Variants in CSMD3 observed in about 807,000 individuals in gnomAD.
CSMD3 encodes the protein CUB and Sushi multiple domains 3, also known as CUB and sushi domain-containing protein 3.
Under a neutral mutation model 435.2 loss-of-function variants are expected in CSMD3, and 177 were observed. The ratio of observed to expected loss-of-function variants is 0.41; its 90% CI spans 0.36 to 0.46. The LOEUF (loss-of-function observed/expected upper bound fraction) is 0.46. Among genes scored for constraint, CSMD3 ranks in the 20% least tolerant of loss-of-function variants. CSMD3 has a pLI of 0.34. For synonymous variants in CSMD3, 1,656 were observed against 1,520.5 expected, an observed-to-expected ratio of 1.09 and a Z score of -2.07; for missense variants, 4,265 against 4,504.6, an observed-to-expected ratio of 0.95 and a Z score of 1.52.
chr8:113,005,944 T>C (rs1174750604), intron 6 of CSMD3, among the ~76,000 whole-genome samples: 3 of 152,046 alleles, frequency 2.0e-5, no homozygotes, highest in African/African-American at 7.2e-5. Context: ...AAACTGCAGC[T>C]TACTACATGA....
At chr8:112,772,548 C>G (rs2078146016) in intron 13 of CSMD3, among the ~76,000 whole-genome samples, 2 of 152,012 alleles carry the variant, frequency 1.3e-5, no homozygotes, top group Admixed American at 1.3e-4. Context: ...GAAATATGGC[C>G]TCGTGGGAAG....
intron 45 of CSMD3, among the ~76,000 whole-genome samples, chr8:112,330,864 G>T (rs1823980389): frequency 6.6e-6 from 1 of 151,946 alleles, no homozygotes; most frequent in Non-Finnish European, 1.5e-5. Flanking sequence ...AGAATACAAT[G>T]AATTTTAGCT....
At chr8:113,149,491 T>C (rs1051266953) in intron 4 of CSMD3, among the ~76,000 whole-genome samples, 1 of 151,866 alleles carries the variant, frequency 6.6e-6, no homozygotes, top group African/African-American at 2.4e-5. Flanking sequence ...CTTTTTGAGA[T>C]ACAATGCATT....
intron 22 of CSMD3, among the ~76,000 whole-genome samples, chr8:112,597,537 T>C (rs1332773386): frequency 8.2e-6 from 1 of 122,038 alleles, no homozygotes; most frequent in Non-Finnish European, 1.7e-5. Context: ...ATCATTCTGA[T>C]ACCAAAGCCA....
At chr8:112,840,065 C>T (rs760386683) in intron 11 of CSMD3, among the ~76,000 whole-genome samples, 3 of 151,634 alleles carry the variant, frequency 2.0e-5, no homozygotes, top group Non-Finnish European at 3.0e-5. Context: ...CGGTTTACTT[C>T]TATGTCTTCC....
chr8:112,830,760 C>A (rs144207469), intron 11 of CSMD3, among the ~76,000 whole-genome samples: 377 of 145,926 alleles, frequency 2.6e-3, no homozygotes, highest in African/African-American at 8.7e-3. Context: ...GAATTTATAT[C>A]TTGGCTTTTT....
At chr8:112,816,436 C>G (rs1414023429) in intron 12 of CSMD3, among the ~76,000 whole-genome samples, 1 of 152,062 alleles carries the variant, frequency 6.6e-6, no homozygotes, top group Non-Finnish European at 1.5e-5. Context: ...TTCTCCAAGC[C>G]CTTTTCATAC....
chr8:112,453,471 G>A (rs1006300791), intron 32 of CSMD3, among the ~76,000 whole-genome samples: 2 of 151,818 alleles, frequency 1.3e-5, no homozygotes, highest in Non-Finnish European at 2.9e-5. Context: ...CACCAATAAC[G>A]TTCAAGCTGA....
intron 1 of CSMD3, among the ~76,000 whole-genome samples, chr8:113,415,582 T>G (rs1196239820): frequency 6.6e-6 from 1 of 152,208 alleles, no homozygotes; most frequent in African/African-American, 2.4e-5. Context: ...TTCTACAGAT[T>G]ATTAAAAATT....
At chr8:112,559,386 C>T (rs955504512) in intron 24 of CSMD3, among the ~76,000 whole-genome samples, 3 of 151,836 alleles carry the variant, frequency 2.0e-5, no homozygotes, top group African/African-American at 7.2e-5. Context: ...TTTCTCCCAC[C>T]TTCCAGGAGA....
At chr8:113,233,266 A>G (rs1263792862) in intron 3 of CSMD3, among the ~76,000 whole-genome samples, 2 of 151,408 alleles carry the variant, frequency 1.3e-5, no homozygotes, top group East Asian at 3.9e-4. Flanking sequence ...GGGCTTATAT[A>G]TCTCTGATTA....
chr8:113,041,935 T>C (rs1333692355), intron 5 of CSMD3, among the ~76,000 whole-genome samples: 1 of 152,190 alleles, frequency 6.6e-6, no homozygotes, highest in Non-Finnish European at 1.5e-5. Flanking sequence ...GTTTTCTCAG[T>C]ACCATTTGAA....
At chr8:113,338,801 T>C (rs990995639) in intron 1 of CSMD3, among the ~76,000 whole-genome samples, 2 of 151,976 alleles carry the variant, frequency 1.3e-5, no homozygotes, top group African/African-American at 2.4e-5. Context: ...CTAGATCATA[T>C]TGATGCTTGC....
At chr8:112,311,938 A>G (rs1822012832) in intron 49 of CSMD3, among the ~76,000 whole-genome samples, 1 of 152,140 alleles carries the variant, frequency 6.6e-6, no homozygotes, top group Admixed American at 6.6e-5. Flanking sequence ...GTCATTTCTA[A>G]AGGCAAAAAT....
At chr8:113,207,385 C>CTTT (rs72308827) in intron 3 of CSMD3, among the ~76,000 whole-genome samples, 1 of 139,350 alleles carries the variant, frequency 7.2e-6, no homozygotes. Context: ...AATTATTTTT[C>CTTT]TTTTTTTTTT....
At chr8:113,206,354 GT>G (rs2092770954) in intron 3 of CSMD3, among the ~76,000 whole-genome samples, 1 of 151,966 alleles carries the variant, frequency 6.6e-6, no homozygotes, top group East Asian at 1.9e-4. Flanking sequence ...AATTTTCAAT[GT>G]TTCATTATTT....
chr8:113,113,695 T>C (rs2090735530), intron 4 of CSMD3, among the ~76,000 whole-genome samples: 1 of 152,218 alleles, frequency 6.6e-6, no homozygotes, highest in South Asian at 2.1e-4. Flanking sequence ...AAGTTCTCTA[T>C]GTTTCAATAA....
At chr8:112,244,818 GAAA>G (rs962106742) in intron 64 of CSMD3, among the ~76,000 whole-genome samples, 8 of 149,886 alleles carry the variant, frequency 5.3e-5, no homozygotes, top group Non-Finnish European at 1.2e-4. Flanking sequence ...AATAAATTGA[GAAA>G]AAAAAAGACA....
At chr8:113,096,650 T>A (rs997269874) in intron 5 of CSMD3, among the ~76,000 whole-genome samples, 4 of 152,074 alleles carry the variant, frequency 2.6e-5, no homozygotes, top group Admixed American at 2.6e-4. Context: ...GACAGATGAA[T>A]CTTGAGCCAG....
Sources: allele counts gnomAD v4.1 joint callset (sites outside exome capture counted in the v4.1 genomes callset), GRCh38; gene constraint gnomAD v4.1.1; transcripts MANE v1.5; gene names NCBI Gene and HGNC (gene_info 2026-07-23, HGNC 2026-07-21).